EMCN: variants seen among roughly 807,000 people sequenced by gnomAD.
The protein encoded by EMCN is MUC-14.
EMCN carries 37 observed loss-of-function variants against 38.4 expected under a neutral mutation model. The ratio of observed to expected loss-of-function variants is 0.96; its 90% confidence interval spans 0.74 to 1.27. The LOEUF is 1.27. Ranked by LOEUF, EMCN falls within the 50% of genes most tolerant of loss-of-function variation. The pLI is 0.00. For missense variants in EMCN, 318 were observed against 302.8 expected (o/e 1.05, Z -0.37); for synonymous variants, 95 against 100.8 (o/e 0.94, Z 0.35).
chr4:100,398,328 A>G lies in EMCN; in HGVS notation c.*85T>C, dbSNP rs891831725. The G allele has an allele frequency of 6.6e-6, 1 of 152,126 alleles. No homozygotes were observed. Among genetic ancestry groups the G allele is most frequent in the African/African-American group, 2.4e-5 (1 of 41,420 alleles). The allele number at this position is 152,126 out of a possible 1,614,324, so 9.4% of individuals were successfully genotyped here. A position where few individuals can be genotyped will look rare whatever the true frequency, so the allele number is the denominator to read the frequency against. ...TGGAAGTCGGGATTGATTCTGCAGG[A>G]CTTTCTCCTTTTCCACGCTTGGTGC... On this transcript the variant is annotated 3_prime_UTR_variant, in exon 12 of 12. Transcript: ENST00000296420.
intron 10 of EMCN, among the ~76,000 whole-genome samples, chr4:100,415,265 C>T (rs1726692089): frequency 6.6e-6 from 1 of 152,134 alleles, no homozygotes. Context: ...GTTTAAATGT[C>T]TAATCTACTC....
rs546855825 is a variant in EMCN, at chr4:100,478,695, A to G, written c.187+1222T>C. On this transcript the variant is annotated intron_variant, in intron 2 of 11. Coordinates refer to ENST00000296420, the MANE Select transcript of EMCN (RefSeq NM_016242.4). ...TTCGGATATAGCTGTCTATTTTTAT[A>G]ATAAAAATTGATAAAAAGTAAAACT... 2.0e-5 allele frequency among the ~76,000 whole-genome samples: 3 copies of G among 152,340 alleles called. No individual in the cohort carries two copies. The East Asian group carries it at 5.8e-4, about 29-fold the overall frequency.
At chr4:100,435,655 G>A (rs1727331296) in intron 5 of EMCN, among the ~76,000 whole-genome samples, 1 of 152,054 alleles carries the variant, frequency 6.6e-6, no homozygotes, top group Non-Finnish European at 1.5e-5. Flanking sequence ...AACCAAAGCA[G>A]CATGGTACTG....
At chr4:100,493,256 T>C (rs557169407) in intron 1 of EMCN, among the ~76,000 whole-genome samples, 1 of 152,348 alleles carries the variant, frequency 6.6e-6, no homozygotes, top group Admixed American at 6.5e-5. Context: ...TTGTCAACTT[T>C]GATGACCACT....
chr4:100,421,404 T>A (rs1726884008), intron 7 of EMCN, 27 bp from the exon 8 acceptor site: 1 of 1,567,368 alleles, frequency 6.4e-7, no homozygotes, highest in Non-Finnish European at 8.8e-7. Context: ...ACATTGTCAA[T>A]TAGAGTGGCT....
chr4:100,471,588 A>G (rs974448930), intron 3 of EMCN, among the ~76,000 whole-genome samples: 2 of 151,966 alleles, frequency 1.3e-5, no homozygotes, highest in Non-Finnish European at 2.9e-5. Flanking sequence ...AACTTATTCT[A>G]TGAGGCTAGT....
intron 3 of EMCN, among the ~76,000 whole-genome samples, chr4:100,469,377 T>C (rs1488849615): frequency 6.6e-6 from 1 of 152,104 alleles, no homozygotes; most frequent in Non-Finnish European, 1.5e-5. Flanking sequence ...CAGCAATTAT[T>C]TTTGGATATT....
intron 4 of EMCN, among the ~76,000 whole-genome samples, chr4:100,448,822 TCCTC>T (rs148189167): frequency 7.7e-6 from 1 of 129,392 alleles, no homozygotes; most frequent in Admixed American, 7.5e-5. Context: ...CTTCCTTCCT[TCCTC>T]CCTCCCTCCC....
chr4:100,443,378 G>A lies in EMCN; in HGVS notation c.415+4155C>T, dbSNP rs72923855. Among the ~76,000 whole-genome samples the A allele has an allele frequency of 1.1e-4, 16 of 152,290 alleles. No homozygotes were observed. The East Asian group carries it at 1.2e-3, about 11-fold the overall frequency. ...TCTGAGGCTGCCAGTTGGGCAGGGC[G>A]CCTCTGGTTACATGTAGGCACAGTG... is the stretch of plus-strand genomic sequence containing the variant. On this transcript the variant is annotated intron_variant, in intron 5 of 11. Transcript: ENST00000296420.
chr4:100,501,913 T>C (rs143394112), intron 1 of EMCN, among the ~76,000 whole-genome samples: 156 of 151,970 alleles, frequency 1.0e-3, no homozygotes, highest in African/African-American at 3.5e-3. Flanking sequence ...GTTTACATGG[T>C]GTCATTTGTT....
intron 4 of EMCN, among the ~76,000 whole-genome samples, chr4:100,454,227 C>T (rs1053034484): frequency 8.3e-6 from 1 of 121,134 alleles, no homozygotes; most frequent in African/African-American, 3.3e-5. Flanking sequence ...GTCGTGTTTT[C>T]AAGCCATTAG....
At chr4:100,480,161 A>T in intron 1 of EMCN, 122 bp from the exon 2 acceptor site, 1 of 773,716 alleles carries the variant, frequency 1.3e-6, no homozygotes, top group South Asian at 1.8e-5. Context: ...TCCAGTTGTA[A>T]TCAATTTATC....
chr4:100,433,031 T>C (rs1727247080), intron 5 of EMCN, among the ~76,000 whole-genome samples: 1 of 152,152 alleles, frequency 6.6e-6, no homozygotes, highest in Non-Finnish European at 1.5e-5. Context: ...TACAGTACAA[T>C]TGTGTTAACA....
At chr4:100,466,386 A>G (rs1363498772) in intron 3 of EMCN, among the ~76,000 whole-genome samples, 1 of 152,238 alleles carries the variant, frequency 6.6e-6, no homozygotes, top group Non-Finnish European at 1.5e-5. Flanking sequence ...GTTTTCTAGA[A>G]GTGCAGTCAA....
rs540999703 is a variant in EMCN at position 100,432,615 on chromosome 4, T to C, written c.416-9211A>G. Among the ~76,000 whole-genome samples, 26 of 152,264 alleles carry C rather than the reference T, an allele frequency of 1.7e-4. 1 individual carries two copies. In the East Asian group the frequency reaches 4.6e-3, roughly 27 times the overall value. On this transcript the variant is annotated intron_variant, in intron 5 of 11. Coordinates refer to ENST00000296420, the MANE Select transcript of EMCN (RefSeq NM_016242.4). ...ACCAAGTTTGGGGCCTTACCAGATA[T>C]GTTACAGTGGGCAGTTGCAGTTTGA... is the stretch of plus-strand genomic sequence containing the variant.
intron 1 of EMCN, 83 bp from the exon 2 acceptor site, chr4:100,480,122 T>C: frequency 8.1e-7 from 1 of 1,227,494 alleles, no homozygotes; most frequent in East Asian, 2.8e-5. Flanking sequence ...AGTGTACTGG[T>C]CAGTAGAATG....
intron 10 of EMCN, among the ~76,000 whole-genome samples, chr4:100,413,449 G>A (rs1726622467): frequency 1.3e-5 from 2 of 151,864 alleles, no homozygotes; most frequent in African/African-American, 4.8e-5. Flanking sequence ...TTTTAGTAAC[G>A]TAACTTCTCT....
At chr4:100,430,384 T>C (rs1727162664) in intron 5 of EMCN, among the ~76,000 whole-genome samples, 1 of 152,172 alleles carries the variant, frequency 6.6e-6, no homozygotes, top group Non-Finnish European at 1.5e-5. Context: ...TTATTTTTGT[T>C]ACATAAAATA....
chr4:100,411,123 G>A (rs559757639), intron 10 of EMCN, among the ~76,000 whole-genome samples: 79 of 152,076 alleles, frequency 5.2e-4, no homozygotes, highest in Admixed American at 2.6e-3. Flanking sequence ...CTGTCCTTTC[G>A]GGACTCTGAG....
Sources: allele counts gnomAD v4.1 joint callset (sites outside exome capture counted in the v4.1 genomes callset), GRCh38; gene constraint gnomAD v4.1.1; transcripts MANE v1.5; gene names NCBI Gene and HGNC (gene_info 2026-07-23, HGNC 2026-07-21).